Variants in GMDS observed in about 807,000 individuals in gnomAD.
GMDS encodes GDP-mannose 4,6-dehydratase, also known as GDP-mannose 4,6 dehydratase.
A neutral mutation model predicts 49.9 loss-of-function variants in GMDS; 20 were observed. The ratio of observed to expected loss-of-function variants is 0.40; its 90% CI spans 0.28 to 0.58. GMDS has a LOEUF of 0.58. GMDS is among the 20% of genes least tolerant of loss of function. GMDS has a pLI of 0.42. For synonymous variants in GMDS, 177 were observed against 178.6 expected, an observed-to-expected ratio of 0.99 and a Z score of 0.07; for missense variants, 362 against 481.4, an observed-to-expected ratio of 0.75 and a Z score of 2.32.
rs78161824 is a variant in GMDS, at chr6:1,700,997, A to G, written c.987+25419T>C. ...CCCAGGAAGCCAGCTCAGGCTGATGATGCCGCCGGGGTGACAAACCAGGGA... is the reference window on the plus strand; with the variant it reads ...CCCAGGAAGCCAGCTCAGGCTGATGGTGCCGCCGGGGTGACAAACCAGGGA... On this transcript the variant is annotated intron_variant, in intron 9 of 10. Transcript: ENST00000380815. 1.4e-3 allele frequency among the ~76,000 whole-genome samples: 216 copies of G among 152,358 alleles called. 1 individual carries two copies. The highest frequency in any genetic ancestry group is 5.0e-3 in the African/African-American group (209 of 41,590).
intron 6 of GMDS, among the ~76,000 whole-genome samples, chr6:1,942,935 T>C (rs1001311782): frequency 4.6e-5 from 7 of 152,264 alleles, no homozygotes; most frequent in Admixed American, 3.3e-4. Context: ...TGGATTGCTG[T>C]CACTGCTACC....
intron 4 of GMDS, among the ~76,000 whole-genome samples, chr6:2,007,212 C>G (rs1313721225): frequency 6.6e-6 from 1 of 152,128 alleles, no homozygotes; most frequent in Non-Finnish European, 1.5e-5. Context: ...TCCCATGAAA[C>G]CACAACTTTA....
chr6:2,004,696 G>A (rs1695168696), intron 4 of GMDS, among the ~76,000 whole-genome samples: 2 of 152,120 alleles, frequency 1.3e-5, no homozygotes, highest in African/African-American at 4.8e-5. Context: ...AAACAGGAAA[G>A]AAATCCTGAA....
intron 4 of GMDS, among the ~76,000 whole-genome samples, chr6:1,966,031 C>T (rs1764240328): frequency 6.6e-6 from 1 of 152,160 alleles, no homozygotes; most frequent in Non-Finnish European, 1.5e-5. Context: ...CATTTGTTTA[C>T]AGGTCTTCTA....
chr6:1,690,253 G>A (rs969832463), intron 9 of GMDS, among the ~76,000 whole-genome samples: 1 of 152,090 alleles, frequency 6.6e-6, no homozygotes, highest in African/African-American at 2.4e-5. Flanking sequence ...GTCAATTTTT[G>A]CTTTTGTTGC....
chr6:1,851,006 T>C (rs1460814727), intron 7 of GMDS, among the ~76,000 whole-genome samples: 2 of 152,206 alleles, frequency 1.3e-5, no homozygotes. Flanking sequence ...AGACTTTTAG[T>C]ACTTTATTAC....
intron 6 of GMDS, chr6:1,948,973 T>C (rs1260044495): frequency 8.4e-5 from 36 of 426,132 alleles, no homozygotes; most frequent in Non-Finnish European, 1.1e-4. Context: ...TGGCTGGCAC[T>C]GCAGCGTTCA....
rs149717305 is a variant in GMDS at position 2,225,998 on chromosome 6, C to T, written c.102+19323G>A. On this transcript the variant is annotated intron_variant, in intron 1 of 10. Coordinates refer to ENST00000380815, the MANE Select transcript of GMDS (RefSeq NM_001500.4). ...CTGCTCCCATTCCAGCCCCTGAAAG[C>T]CTAACCTAAGAAAAGAAAAAAAGAG... 5.2e-4 allele frequency among the ~76,000 whole-genome samples: 78 copies of T among 151,370 alleles called. 1 individual carries two copies. The highest frequency in any genetic ancestry group is 1.8e-3 in the African/African-American group (74 of 41,188).
intron 5 of GMDS, among the ~76,000 whole-genome samples, chr6:1,960,433 A>G (rs1763876885): frequency 6.6e-6 from 1 of 152,158 alleles, no homozygotes; most frequent in African/African-American, 2.4e-5. Flanking sequence ...AAAACATGAA[A>G]CCTTATCACT....
chr6:2,044,341 A>T lies in GMDS; in HGVS notation c.345+71430T>A, dbSNP rs541596589. Among the ~76,000 whole-genome samples the T allele has an allele frequency of 3.7e-4, 57 of 152,314 alleles. 1 individual carries two copies. The highest frequency in any genetic ancestry group is 1.3e-3 in the African/African-American group (54 of 41,576). ...TCCATCAATAGTAGACTGGGTTTTT[A>T]AAAATGTGCTATGTATACACCGTGG... On this transcript the variant is annotated intron_variant, in intron 4 of 10. Coordinates refer to ENST00000380815, the MANE Select transcript of GMDS (RefSeq NM_001500.4).
At chr6:1,936,299 C>T (rs1340787943) in intron 6 of GMDS, among the ~76,000 whole-genome samples, 2 of 152,078 alleles carry the variant, frequency 1.3e-5, no homozygotes, top group Non-Finnish European at 2.9e-5. Flanking sequence ...CTGCATGGAC[C>T]CTAAGGCAGT....
chr6:1,712,780 C>A lies in GMDS; in HGVS notation c.987+13636G>T, dbSNP rs190350748. On this transcript the variant is annotated intron_variant, in intron 9 of 10. Transcript: ENST00000380815. ...AGGGTTGAATTCTTTAAAAAAAAAACCAAGATCATGAAACAGGCAGAAAGG... is the reference window on the plus strand; with the variant it reads ...AGGGTTGAATTCTTTAAAAAAAAAAACAAGATCATGAAACAGGCAGAAAGG... Among the ~76,000 whole-genome samples, 440 of 151,510 alleles carry A rather than the reference C, an allele frequency of 2.9e-3. 2 individuals carry two copies. The highest frequency in any genetic ancestry group is 8.4e-3 in the South Asian group (40 of 4,780).
chr6:1,743,536 C>G (rs1767364780), intron 7 of GMDS, among the ~76,000 whole-genome samples: 2 of 114,462 alleles, frequency 1.7e-5, no homozygotes, highest in South Asian at 3.9e-4. Flanking sequence ...GAACCAGACT[C>G]CATCTCAAAA....
At chr6:2,245,253 A>C in intron 1 of GMDS, 68 bp downstream of exon 1, 1 of 1,065,780 alleles carries the variant, frequency 9.4e-7, no homozygotes, top group Non-Finnish European at 1.4e-6. Flanking sequence ...GCCCACGAGT[A>C]GCGGCGCGTA....
chr6:1,958,662 G>A (rs555289544), intron 6 of GMDS, among the ~76,000 whole-genome samples: 9 of 152,192 alleles, frequency 5.9e-5, no homozygotes, highest in African/African-American at 1.4e-4. Context: ...TAAACCTGTC[G>A]CTTTAATCTT....
chr6:2,034,151 T>C (rs542340385), intron 4 of GMDS, among the ~76,000 whole-genome samples: 2 of 152,332 alleles, frequency 1.3e-5, no homozygotes, highest in Non-Finnish European at 2.9e-5. Context: ...TGTGCACTTA[T>C]CTTCTATAAC....
rs1009471022 is a variant in GMDS, at chr6:1,852,824, A to C, written c.771+77279T>G. Among the ~76,000 whole-genome samples, 4 of 151,692 alleles carry C rather than the reference A, an allele frequency of 2.6e-5. No individual in the cohort carries two copies. In the East Asian group the frequency reaches 7.8e-4, roughly 30 times the overall value. On this transcript the variant is annotated intron_variant, in intron 7 of 10. Transcript: ENST00000380815. ...CGGGTTCAAGCGATTTTCCTGCCTCAGCCTCCTGAGTAGCTGGGATTTCAG... is the reference window on the plus strand; with the variant it reads ...CGGGTTCAAGCGATTTTCCTGCCTCCGCCTCCTGAGTAGCTGGGATTTCAG...
intron 9 of GMDS, among the ~76,000 whole-genome samples, chr6:1,626,817 C>A (rs769260728): frequency 3.3e-5 from 5 of 152,014 alleles, no homozygotes; most frequent in Non-Finnish European, 7.4e-5. Flanking sequence ...AAGTAGCTCA[C>A]AATATAAAAA....
At chr6:1,867,292 A>G (rs1758485343) in intron 7 of GMDS, among the ~76,000 whole-genome samples, 1 of 152,232 alleles carries the variant, frequency 6.6e-6, no homozygotes, top group South Asian at 2.1e-4. Flanking sequence ...AAGTCTTTTT[A>G]AACATTTTCT....
Sources: allele counts gnomAD v4.1 joint callset (sites outside exome capture counted in the v4.1 genomes callset), GRCh38; gene constraint gnomAD v4.1.1; transcripts MANE v1.5; gene names NCBI Gene and HGNC (gene_info 2026-07-23, HGNC 2026-07-21).